Variants in SCTR observed in about 807,000 individuals in gnomAD.
SCTR encodes pancreatic secretin receptor.
In SCTR, 56 loss-of-function variants were observed where a neutral mutation model predicts 60.8. The observed-to-expected ratio is 0.92, with a 90% CI of 0.74 to 1.15. The LOEUF (loss-of-function observed/expected upper bound fraction) is 1.15, where lower values mean the gene tolerates loss of function less well. Ranked by LOEUF, SCTR falls within the 50% of genes most tolerant of loss-of-function variation. SCTR has a pLI of 0.00. For missense variants in SCTR, 562 were observed against 550.4 expected, an observed-to-expected ratio of 1.02 and a Z score of -0.21; for synonymous variants, 202 against 217.0, an observed-to-expected ratio of 0.93 and a Z score of 0.61.
chr2:119,441,543 C>A lies in SCTR; in HGVS notation c.1182+15G>T. On this transcript the variant is annotated intron_variant, in intron 12 of 12. Transcript: ENST00000019103. Reference sequence around the variant, plus strand: ...GGAGCTCTCCTGGGTACCTGGGTGACCCAAGACTACTCACCTCCCCATTGA... The same window carrying A: ...GGAGCTCTCCTGGGTACCTGGGTGAACCAAGACTACTCACCTCCCCATTGA... The A allele has an allele frequency of 6.2e-7, 1 of 1,607,772 alleles. No homozygotes were observed. Among genetic ancestry groups the A allele is most frequent in the South Asian group, 1.1e-5 (1 of 90,276 alleles).
At chr2:119,472,191 C>T (rs867007348) in intron 4 of SCTR, among the ~76,000 whole-genome samples, 2 of 152,136 alleles carry the variant, frequency 1.3e-5, no homozygotes, top group African/African-American at 4.8e-5. Flanking sequence ...GTGGCACACG[C>T]TGATCATTTT....
chr2:119,474,024 C>T (rs1677153258), intron 3 of SCTR, among the ~76,000 whole-genome samples: 1 of 152,226 alleles, frequency 6.6e-6, no homozygotes, highest in Non-Finnish European at 1.5e-5. Context: ...TTGAGATGAA[C>T]CCCTCCAGGC....
At chr2:119,451,898 T>C in intron 9 of SCTR, 112 bp downstream of exon 9, 2 of 692,620 alleles carry the variant, frequency 2.9e-6, no homozygotes, top group South Asian at 3.4e-5. Context: ...CTGTGGTTTA[T>C]CCCTCCTGGC....
In SCTR at chr2:119,448,677, C is replaced by T. The variant is rs771942906; in HGVS notation, c.1013+12G>A. The T allele has an allele frequency of 1.1e-5, 16 of 1,461,026 alleles. No individual in the cohort carries two copies. Among genetic ancestry groups the T allele is most frequent in the Admixed American group, 1.7e-5 (1 of 59,768 alleles). The allele number at this position is 1,461,026 out of a possible 1,614,324, so 90.5% of individuals were successfully genotyped here. ...CTGACTGACCATGCCTCAGTCTTTG[C>T]CCTTCACTTACTTATAATGGCTGAC... On this transcript the variant is annotated intron_variant, in intron 10 of 12. Coordinates refer to ENST00000019103, the MANE Select transcript of SCTR (RefSeq NM_002980.3).
intron 7 of SCTR, among the ~76,000 whole-genome samples, chr2:119,458,606 A>G (rs993439346): frequency 6.5e-4 from 99 of 152,268 alleles, no homozygotes; most frequent in African/African-American, 2.2e-3. Flanking sequence ...CTCTCAAAAA[A>G]AAAAAAAAAG....
At chr2:119,471,809 C>T (rs1677031212) in intron 4 of SCTR, among the ~76,000 whole-genome samples, 1 of 152,208 alleles carries the variant, frequency 6.6e-6, no homozygotes, top group African/African-American at 2.4e-5. Context: ...GCTTTTGGAG[C>T]TAGGCTTGGT....
intron 1 of SCTR, among the ~76,000 whole-genome samples, chr2:119,496,350 C>T (rs535649249): frequency 1.3e-5 from 2 of 152,250 alleles, no homozygotes; most frequent in South Asian, 2.1e-4. Context: ...AATGTTCATA[C>T]CCTTTGGCCA....
chr2:119,471,788 G>A (rs908979384), intron 4 of SCTR, among the ~76,000 whole-genome samples: 5 of 152,166 alleles, frequency 3.3e-5, no homozygotes, highest in Admixed American at 1.3e-4. Context: ...GACAGAGGAC[G>A]GAGCACTGGT....
chr2:119,451,372 AG>A (rs963400949), intron 9 of SCTR, among the ~76,000 whole-genome samples: 2 of 152,226 alleles, frequency 1.3e-5, no homozygotes, highest in African/African-American at 4.8e-5. Flanking sequence ...CCTGGGGACC[AG>A]TACCCAGGCC....
chr2:119,513,462 C>A (rs1679018925), intron 1 of SCTR, among the ~76,000 whole-genome samples: 1 of 152,068 alleles, frequency 6.6e-6, no homozygotes, highest in Non-Finnish European at 1.5e-5. Flanking sequence ...CTAAATGGTA[C>A]TTTTCTATAT....
chr2:119,440,718 A>G (rs1391302056), intron 12 of SCTR, among the ~76,000 whole-genome samples: 1 of 152,184 alleles, frequency 6.6e-6, no homozygotes, highest in Non-Finnish European at 1.5e-5. Context: ...GACTCCACTC[A>G]GTGATGGGTC....
In SCTR at chr2:119,520,367, C is replaced by T. The variant is rs72963155; in HGVS notation, c.72+3788G>A. ...TTAAAAAATTAGATGGGGATGGTGG[C>T]AGGTGTCTGTAGTTTCAGCTGCTTG... On this transcript the variant is annotated intron_variant, in intron 1 of 12. Coordinates refer to ENST00000019103, the MANE Select transcript of SCTR (RefSeq NM_002980.3). Among the ~76,000 whole-genome samples, 1,053 of 152,248 alleles carry T rather than the reference C, an allele frequency of 6.9e-3. 15 individuals carry two copies. Among genetic ancestry groups the T allele is most frequent in the African/African-American group, 0.024 (992 of 41,538 alleles).
intron 2 of SCTR, among the ~76,000 whole-genome samples, chr2:119,485,327 G>C (rs1033404288): frequency 6.6e-6 from 1 of 152,210 alleles, no homozygotes; most frequent in African/African-American, 2.4e-5. Flanking sequence ...GTCTGAAGCA[G>C]ACCCAGCAAT....
intron 2 of SCTR, chr2:119,479,149 A>T: frequency 7.8e-7 from 1 of 1,287,108 alleles, no homozygotes; most frequent in Non-Finnish European, 9.8e-7. Context: ...GAAGTAAGAA[A>T]GGGAGGGAGG....
At chr2:119,470,490 G>A (rs116123333) in intron 4 of SCTR, among the ~76,000 whole-genome samples, 1,570 of 152,144 alleles carry the variant, frequency 0.01, 25 homozygotes, top group African/African-American at 0.035. Flanking sequence ...TTTTTTTAAT[G>A]CAAGCTGAAG....
intron 2 of SCTR, chr2:119,487,437 C>T (rs568725714): frequency 1.3e-5 from 2 of 152,302 alleles, no homozygotes; most frequent in South Asian, 4.1e-4. Context: ...CACTTGAAGG[C>T]AAGGTCACTA....
intron 2 of SCTR, among the ~76,000 whole-genome samples, chr2:119,481,996 G>C (rs1176796096): frequency 6.6e-6 from 1 of 152,184 alleles, no homozygotes; most frequent in Non-Finnish European, 1.5e-5. Flanking sequence ...CGATGTGCCT[G>C]GCTCTACCCC....
At chr2:119,468,888 G>C (rs1683946631) in intron 4 of SCTR, among the ~76,000 whole-genome samples, 1 of 152,186 alleles carries the variant, frequency 6.6e-6, no homozygotes, top group African/African-American at 2.4e-5. Flanking sequence ...AAAAGTGTTA[G>C]ACTGAACAAC....
intron 7 of SCTR, among the ~76,000 whole-genome samples, chr2:119,459,428 AT>A (rs869192588): frequency 5.9e-5 from 9 of 151,950 alleles, no homozygotes; most frequent in Middle Eastern, 3.4e-3. Context: ...ACTTAAAAAA[AT>A]TTTTTTTACA....
Sources: allele counts gnomAD v4.1 joint callset (sites outside exome capture counted in the v4.1 genomes callset), GRCh38; gene constraint gnomAD v4.1.1; transcripts MANE v1.5; gene names NCBI Gene and HGNC (gene_info 2026-07-23, HGNC 2026-07-21).